The following GSR variants were observed in gnomAD, a reference collection of about 807,000 sequenced individuals.
The protein encoded by GSR is glutathione reductase, mitochondrial.
GSR carries 48 observed loss-of-function variants against 56.5 expected under a neutral mutation model. The observed-to-expected ratio is 0.85, with a 90% CI of 0.67 to 1.08. The LOEUF (loss-of-function observed/expected upper bound fraction) is 1.08, where lower values mean the gene tolerates loss of function less well. GSR is among the 50% of genes least tolerant of loss of function. The pLI is 0.00. For synonymous variants in GSR, 264 were observed against 270.8 expected, an observed-to-expected ratio of 0.97 and a Z score of 0.25; for missense variants, 694 against 703.3, an observed-to-expected ratio of 0.99 and a Z score of 0.15.
At chr8:30,687,613 C>G (rs1364506712) in intron 9 of GSR, 1 of 152,150 alleles carries the variant, frequency 6.6e-6, no homozygotes, top group African/African-American at 2.4e-5. Flanking sequence ...CAACACTGTA[C>G]TCCAGCCTGG....
At chr8:30,719,901 A>T (rs961098557) in intron 1 of GSR, among the ~76,000 whole-genome samples, 3 of 152,192 alleles carry the variant, frequency 2.0e-5, no homozygotes, top group African/African-American at 7.2e-5. Context: ...CCTGCCAAGA[A>T]CATCAACTGT....
intron 7 of GSR, 96 bp from the exon 8 acceptor site, chr8:30,693,151 C>T: frequency 1.3e-6 from 1 of 766,934 alleles, no homozygotes; most frequent in East Asian, 2.5e-5. Flanking sequence ...ATTATCTCTC[C>T]CCTAATTATT....
chr8:30,713,827 A>G (rs1804239588), intron 1 of GSR, among the ~76,000 whole-genome samples: 1 of 152,196 alleles, frequency 6.6e-6, no homozygotes, highest in African/African-American at 2.4e-5. Flanking sequence ...AAGTAGTCAC[A>G]TATTATGCTC....
At chr8:30,684,933 ATT>A (rs1803106596) in intron 9 of GSR, among the ~76,000 whole-genome samples, 6 of 346 alleles carry the variant, frequency 0.017, no homozygotes, top group East Asian at 0.13. Context: ...ACATACATTT[ATT>A]TATTTATTTA....
intron 8 of GSR, 65 bp downstream of exon 8, chr8:30,692,904 C>T (rs1035193452): frequency 6.5e-5 from 64 of 989,354 alleles, no homozygotes; most frequent in Non-Finnish European, 7.4e-5. Context: ...ACTAACTGGG[C>T]GAAGCCACAA....
At chr8:30,699,914 C>T (rs1803669588) in intron 6 of GSR, among the ~76,000 whole-genome samples, 167 bp downstream of exon 6, 1 of 152,070 alleles carries the variant, frequency 6.6e-6, no homozygotes, top group South Asian at 2.1e-4. Flanking sequence ...GAGGGATCTA[C>T]TGAGGAGTTC....
At chr8:30,700,275 T>G in intron 5 of GSR, 140 bp from the exon 6 acceptor site, 6 of 718,306 alleles carry the variant, frequency 8.4e-6, no homozygotes, top group Admixed American at 8.0e-5. Context: ...AGTCTCTGCT[T>G]GGAAAGCTGC....
chr8:30,707,709 C>G (rs1023979662), intron 4 of GSR, among the ~76,000 whole-genome samples: 1 of 151,764 alleles, frequency 6.6e-6, no homozygotes, highest in Non-Finnish European at 1.5e-5. Flanking sequence ...AATCTCAGCA[C>G]TTTGAGAGGA....
Position 30,712,090 on chromosome 8 carries a change from TG to T in GSR, c.307-3del. ...TTTGGGTACACATCCAACATTCACC[TG>T]GAAAAAAAAAAAAGAGACACACTTT... On this transcript the variant is annotated splice_region_variant and splice_polypyrimidine_tract_variant and intron_variant, in intron 1 of 12. Transcript: ENST00000221130. The T allele has an allele frequency of 3.5e-6, 5 of 1,429,302 alleles. No homozygotes were observed. Among genetic ancestry groups the T allele is most frequent in the Non-Finnish European group, 3.9e-6 (4 of 1,026,298 alleles). The allele number at this position is 1,429,302 out of a possible 1,614,324, so 88.5% of individuals were successfully genotyped here.
At chr8:30,686,633 T>C (rs1032988537) in intron 9 of GSR, among the ~76,000 whole-genome samples, 3 of 152,062 alleles carry the variant, frequency 2.0e-5, no homozygotes, top group African/African-American at 7.2e-5. Context: ...GCTGCAAGGA[T>C]GCAGTGAGCC....
intron 7 of GSR, among the ~76,000 whole-genome samples, chr8:30,693,538 T>A (rs538131883): frequency 2.7e-5 from 4 of 149,510 alleles, no homozygotes; most frequent in Non-Finnish European, 4.5e-5. Flanking sequence ...CTTTTATTTT[T>A]ATTTTTTTGA....
At chr8:30,719,287 T>TCA (rs1804448619) in intron 1 of GSR, among the ~76,000 whole-genome samples, 2 of 150,772 alleles carry the variant, frequency 1.3e-5, no homozygotes, top group Admixed American at 6.6e-5. Flanking sequence ...TTTTTTTTTT[T>TCA]ATGTATTTTT....
chr8:30,707,335 C>T (rs927656272), intron 4 of GSR, among the ~76,000 whole-genome samples: 3 of 152,190 alleles, frequency 2.0e-5, no homozygotes, highest in African/African-American at 7.2e-5. Flanking sequence ...GCAGAAGAGA[C>T]TGGCCATCTA....
chr8:30,679,550 G>A lies in GSR; in HGVS notation c.1539C>T (p.Thr513=), dbSNP rs558512007. 6.2e-7 allele frequency: 1 copy of A among 1,614,112 alleles called. No homozygotes were observed. Among genetic ancestry groups the A allele is most frequent in the South Asian group, 1.1e-5 (1 of 91,076 alleles). ...DFDNTVAIHP[T]SSEELVTLR is the part of the protein sequence containing the mutation. ...GAAGTGTGACCAGCTCTTCTGAAGA[G>A]GTAGGGTGAATGGCGACTGTGTTGT... The change falls in exon 13 of 13, where the codon ACC becomes ACT. Residue 513 remains threonine (T), a synonymous_variant. Transcript: ENST00000221130.
intron 4 of GSR, among the ~76,000 whole-genome samples, chr8:30,706,152 G>A (rs1009576220): frequency 1.3e-5 from 2 of 151,352 alleles, no homozygotes; most frequent in African/African-American, 4.9e-5. Flanking sequence ...CTTCAGCCTG[G>A]GTGACAGAGT....
At chr8:30,706,507 A>G (rs1803925544) in intron 4 of GSR, among the ~76,000 whole-genome samples, 1 of 149,506 alleles carries the variant, frequency 6.7e-6, no homozygotes, top group Non-Finnish European at 1.5e-5. Flanking sequence ...TGTTTCACAA[A>G]TAAACAAACA....
chr8:30,699,185 G>T (rs1424709288), intron 6 of GSR, among the ~76,000 whole-genome samples: 2 of 152,008 alleles, frequency 1.3e-5, no homozygotes, highest in African/African-American at 4.8e-5. Flanking sequence ...CAGCTACTCG[G>T]GAGGCTGAGG....
intron 6 of GSR, among the ~76,000 whole-genome samples, chr8:30,698,192 G>A (rs998237217): frequency 2.6e-5 from 4 of 152,020 alleles, no homozygotes; most frequent in African/African-American, 7.2e-5. Flanking sequence ...CACCAACACC[G>A]TAACAAAGAT....
At chr8:30,711,870 A>G (rs570804531) in intron 2 of GSR, among the ~76,000 whole-genome samples, 192 bp downstream of exon 2, 36 of 151,836 alleles carry the variant, frequency 2.4e-4, no homozygotes, top group Admixed American at 4.6e-4. Flanking sequence ...AAGTAATTAA[A>G]AATAAATAAA....
Sources: allele counts gnomAD v4.1 joint callset (sites outside exome capture counted in the v4.1 genomes callset), GRCh38; gene constraint gnomAD v4.1.1; transcripts MANE v1.5; gene names NCBI Gene and HGNC (gene_info 2026-07-23, HGNC 2026-07-21).